The following RMP24 variants were observed in gnomAD, a reference collection of about 807,000 sequenced individuals.
RMP24 encodes the protein ribonuclease MRP subunit p24, also known as ribonuclease MRP protein subunit p24.
At chr18:35,973,997 C>T in the RMP24 span, 16 of 152,374 alleles carry the variant, frequency 1.1e-4, no homozygotes, top group Admixed American at 1.0e-3. Flanking sequence ...GGCCCTGTGT[C>T]ATAGACCTGC....
the RMP24 span, chr18:35,973,204 C>G: frequency 1.9e-6 from 1 of 537,990 alleles, no homozygotes; most frequent in Non-Finnish European, 3.3e-6. Context: ...GCTGGTTCCT[C>G]CTAATCTCCC....
At chr18:35,973,042 C>T in the RMP24 span, 1 of 1,220,162 alleles carries the variant, frequency 8.2e-7, no homozygotes, top group Non-Finnish European at 1.2e-6. Context: ...GCATGTGTCT[C>T]GGTTTCGTGA....
chr18:35,976,521 G>C, the RMP24 span, among the ~76,000 whole-genome samples: 2 of 152,270 alleles, frequency 1.3e-5, no homozygotes, highest in South Asian at 4.1e-4. Flanking sequence ...AAATTAGCTA[G>C]AAAATGGACC....
chr18:35,977,747 C>T, the RMP24 span: 3 of 728,472 alleles, frequency 4.1e-6, no homozygotes, highest in Non-Finnish European at 6.6e-6. Flanking sequence ...CACATACTCC[C>T]ATATCTTCAA....
chr18:35,978,395 C>T, the RMP24 span, among the ~76,000 whole-genome samples: 1 of 152,086 alleles, frequency 6.6e-6, no homozygotes, highest in Non-Finnish European at 1.5e-5. Context: ...CTGAGGTGGG[C>T]GGCTCAGGAG....
At chr18:35,978,381 GA>G in the RMP24 span, among the ~76,000 whole-genome samples, 1 of 152,210 alleles carries the variant, frequency 6.6e-6, no homozygotes, top group African/African-American at 2.4e-5. Context: ...AGCACTTTGG[GA>G]GGCTGAGGTG....
At chr18:35,973,728 C>G in the RMP24 span, 4 of 152,178 alleles carry the variant, frequency 2.6e-5, no homozygotes, top group African/African-American at 9.7e-5. Context: ...CGAGACCAAC[C>G]TGGCCAACAT....
At chr18:35,976,186 G>C in the RMP24 span, among the ~76,000 whole-genome samples, 1 of 110,366 alleles carries the variant, frequency 9.1e-6, no homozygotes, top group South Asian at 3.0e-4. Context: ...GTCTCCCTCT[G>C]TCGCCCAGGC....
chr18:35,973,152 T>G, the RMP24 span: 2 of 600,878 alleles, frequency 3.3e-6, no homozygotes, highest in South Asian at 4.1e-5. Context: ...TCTAGGTCAT[T>G]ACGTAGTTCA....
At chr18:35,973,524 C>T in the RMP24 span, 1 of 153,168 alleles carries the variant, frequency 6.5e-6, no homozygotes, top group Non-Finnish European at 1.5e-5. Context: ...TCCATTCTTC[C>T]CTTACAGTTA....
At chr18:35,975,760 C>T in the RMP24 span, among the ~76,000 whole-genome samples, 7 of 152,148 alleles carry the variant, frequency 4.6e-5, no homozygotes, top group African/African-American at 1.2e-4. Context: ...ATCACTGTGC[C>T]GGGCACTGGA....
At chr18:35,978,708 T>C in the RMP24 span, 1 of 800,872 alleles carries the variant, frequency 1.2e-6, no homozygotes, top group Non-Finnish European at 1.8e-6. Context: ...GAAATCTAAC[T>C]GAACAGGGAT....
At chr18:35,976,390 C>G in the RMP24 span, among the ~76,000 whole-genome samples, 1 of 152,064 alleles carries the variant, frequency 6.6e-6, no homozygotes, top group Non-Finnish European at 1.5e-5. Context: ...TGCAGATCTT[C>G]CATTGGCATT....
the RMP24 span, chr18:35,979,081 A>G: frequency 2.2e-6 from 3 of 1,368,542 alleles, no homozygotes; most frequent in Non-Finnish European, 3.0e-6. Context: ...TTTTGAATAC[A>G]TGGAAACTAG....
At chr18:35,978,516 C>T in the RMP24 span, among the ~76,000 whole-genome samples, 154 of 152,092 alleles carry the variant, frequency 1.0e-3, 5 homozygotes, top group Non-Finnish European at 2.9e-4. Context: ...GAGGCTGAGG[C>T]GGGAGAACTG....
chr18:35,972,794 C>T, the RMP24 span: 1 of 1,614,122 alleles, frequency 6.2e-7, no homozygotes, highest in Non-Finnish European at 8.5e-7. Flanking sequence ...CGGGCCAAGC[C>T]CGCTACCTCC....
chr18:35,977,652 A>G, the RMP24 span: 17 of 1,554,416 alleles, frequency 1.1e-5, 1 homozygote, highest in South Asian at 1.7e-4. Flanking sequence ...GTTTTCTTCT[A>G]ATTTCCTGTG....
the RMP24 span, among the ~76,000 whole-genome samples, chr18:35,978,105 G>A: frequency 6.6e-6 from 1 of 152,120 alleles, no homozygotes; most frequent in Non-Finnish European, 1.5e-5. Context: ...AGGTCCTTAT[G>A]CACCATTTGT....
At chr18:35,974,984 C>T in the RMP24 span, 2 of 1,614,122 alleles carry the variant, frequency 1.2e-6, no homozygotes, top group South Asian at 2.2e-5. Context: ...AACCCAAAGC[C>T]AGGTTGACAC....
Sources: allele counts gnomAD v4.1 joint callset (sites outside exome capture counted in the v4.1 genomes callset), GRCh38; gene constraint gnomAD v4.1.1; transcripts MANE v1.5; gene names NCBI Gene and HGNC (gene_info 2026-07-23, HGNC 2026-07-21).